DYSF: variants seen among roughly 807,000 people sequenced by gnomAD.
DYSF encodes dysferlin, also known as dystrophy-associated fer-1-like 1.
In DYSF, 212 loss-of-function variants were observed where a neutral mutation model predicts 274.9. The observed-to-expected ratio is 0.77, with a 90% confidence interval of 0.69 to 0.86. DYSF has a LOEUF of 0.86. Among genes scored for constraint, DYSF ranks in the 40% least tolerant of loss-of-function variants. DYSF has a pLI of 0.00. For synonymous variants in DYSF, 1,091 were observed against 1,078.7 expected, an observed-to-expected ratio of 1.01 and a Z score of -0.22; for missense variants, 2,666 against 2,783.2, an observed-to-expected ratio of 0.96 and a Z score of 0.95.
intron 1 of DYSF, among the ~76,000 whole-genome samples, chr2:71,476,879 A>C (rs2082436589): frequency 1.4e-5 from 2 of 147,810 alleles, no homozygotes; most frequent in South Asian, 4.2e-4. Flanking sequence ...GACTGACAAA[A>C]CTATAGTTAT....
chr2:71,532,346 A>G (rs2088827152), intron 14 of DYSF, among the ~76,000 whole-genome samples: 1 of 152,260 alleles, frequency 6.6e-6, no homozygotes, highest in Admixed American at 6.5e-5. Context: ...TATTTGATAC[A>G]GATGGACAAA....
chr2:71,470,742 TTC>T (rs2081964204), intron 1 of DYSF, among the ~76,000 whole-genome samples: 1 of 24,594 alleles, frequency 4.1e-5, no homozygotes, highest in Non-Finnish European at 7.9e-5. Flanking sequence ...CCTTCTTTCC[TTC>T]CTTCCTTCCT....
At chr2:71,562,537 G>A (rs766906985) in intron 23 of DYSF, among the ~76,000 whole-genome samples, 2 of 152,160 alleles carry the variant, frequency 1.3e-5, no homozygotes, top group South Asian at 2.1e-4. Flanking sequence ...GCACCCACCC[G>A]GTTCTGTGGC....
chr2:71,685,034 C>G (rs973428714), intron 55 of DYSF, among the ~76,000 whole-genome samples: 9 of 152,226 alleles, frequency 5.9e-5, no homozygotes, highest in Admixed American at 2.0e-4. Flanking sequence ...AAGCCCAGCC[C>G]CTGCCAGCTG....
intron 3 of DYSF, among the ~76,000 whole-genome samples, chr2:71,500,321 C>T (rs1460207307): frequency 6.6e-6 from 1 of 152,176 alleles, no homozygotes; most frequent in Non-Finnish European, 1.5e-5. Context: ...CTACCACAGC[C>T]TGCTCCTTAC....
At chr2:71,503,995 C>T (rs1020122075) in intron 4 of DYSF, among the ~76,000 whole-genome samples, 30 of 152,358 alleles carry the variant, frequency 2.0e-4, no homozygotes, top group Admixed American at 2.0e-4. Context: ...GAACTACTTC[C>T]GCCCTGTGAG....
chr2:71,574,353 T>G lies in DYSF; in HGVS notation c.3384T>G (p.Phe1128Leu). 1.2e-6 allele frequency: 2 copies of G among 1,613,920 alleles called. No homozygotes were observed. Among genetic ancestry groups the G allele is most frequent in the Non-Finnish European group, 1.7e-6 (2 of 1,179,824 alleles). The change falls in exon 30 of 56, where the codon TTT (phenylalanine) becomes TTG (leucine). Residue 1128 changes from phenylalanine (F) to leucine (L), a missense_variant. This residue lies in a region of DYSF where 1,460 missense variants were observed against 1,502.1 expected (regional missense o/e 0.97). Transcript: ENST00000410020. ...AGAAGACGGGGCCTGCAGCTGTGTT[T>G]GCCCTTGAGGGGGCCCTGGTATGTG... ...PLEKTGPAAV[F>L]ALEGALGGVM...
rs989523526 is a variant in DYSF, at chr2:71,459,784, A to T, written c.88+5698A>T. 5.9e-5 allele frequency among the ~76,000 whole-genome samples: 9 copies of T among 152,278 alleles called. No homozygotes were observed. In the East Asian group the frequency reaches 1.7e-3, roughly 29 times the overall value. Reference sequence around the variant, plus strand: ...TGGGCTCTCTGGAGGGCAGAGAGCCAGTGTCCTCTCCCTTGGGCTCATCAG... The same window carrying T: ...TGGGCTCTCTGGAGGGCAGAGAGCCTGTGTCCTCTCCCTTGGGCTCATCAG... On this transcript the variant is annotated intron_variant, in intron 1 of 54. Transcript: ENST00000258104.
At chr2:71,491,372 G>C (rs1396319096) in intron 3 of DYSF, among the ~76,000 whole-genome samples, 2 of 152,212 alleles carry the variant, frequency 1.3e-5, no homozygotes, top group Non-Finnish European at 2.9e-5. Flanking sequence ...CATGGCAACA[G>C]GCATTTACCC....
rs143393575 is a variant in DYSF at position 71,598,661 on chromosome 2, C to T, written c.3672C>T (p.Tyr1224=). The T allele has an allele frequency of 1.6e-5, 26 of 1,614,022 alleles. No individual in the cohort carries two copies. The highest frequency in any genetic ancestry group is 1.3e-4 in the Admixed American group (8 of 60,010). ...NPTWDQTLIF[Y]EIEIFGEPAT... ...CCTGGGACCAGACGCTCATCTTCTA[C>T]GAGATCGAGATCTTTGGCGAGCCGG... Residue 1224 remains tyrosine, a synonymous_variant, in exon 33 of 56, where the codon TAC becomes TAT. Coordinates refer to ENST00000410020, the MANE Select transcript of DYSF (RefSeq NM_001130987.2).
intron 32 of DYSF, among the ~76,000 whole-genome samples, chr2:71,593,299 A>G (rs1263777879): frequency 6.6e-6 from 1 of 151,740 alleles, no homozygotes; most frequent in Non-Finnish European, 1.5e-5. Flanking sequence ...TGCCCAGCTA[A>G]TTTTTTGTAT....
chr2:71,684,745 T>C (rs1350942890), intron 55 of DYSF, among the ~76,000 whole-genome samples: 7 of 152,194 alleles, frequency 4.6e-5, no homozygotes, highest in African/African-American at 7.2e-5. Context: ...AATCTGCATG[T>C]AGGCACATGA....
At chr2:71,631,882 T>C (rs2094320595) in intron 41 of DYSF, among the ~76,000 whole-genome samples, 1 of 152,018 alleles carries the variant, frequency 6.6e-6, no homozygotes, top group Non-Finnish European at 1.5e-5. Context: ...GGGTGAAACT[T>C]GTCTGGCAAA....
chr2:71,609,859 G>T lies in DYSF; in HGVS notation c.3958-1386G>T, dbSNP rs573141845. On this transcript the variant is annotated intron_variant, in intron 36 of 55. Transcript: ENST00000410020. ...TCCCACCATCTATGGCAGAGCGTCTGTATGGATGTACCATCCTCGCAGAAG... is the reference window on the plus strand; with the variant it reads ...TCCCACCATCTATGGCAGAGCGTCTTTATGGATGTACCATCCTCGCAGAAG... 2.6e-5 allele frequency among the ~76,000 whole-genome samples: 4 copies of T among 152,310 alleles called. No individual in the cohort carries two copies. The East Asian group carries it at 7.7e-4, about 29-fold the overall frequency.
intron 1 of DYSF, among the ~76,000 whole-genome samples, chr2:71,456,976 G>GCATGGTGTGAAACAC (rs2081092913): frequency 2.6e-5 from 4 of 152,194 alleles, no homozygotes; most frequent in Non-Finnish European, 5.9e-5. Flanking sequence ...GGCTGCAGGA[G>GCATGGTGTGAAACAC]CATGGTGTGA....
intron 41 of DYSF, among the ~76,000 whole-genome samples, chr2:71,635,383 A>G (rs190327333): frequency 6.6e-6 from 1 of 152,332 alleles, no homozygotes; most frequent in African/African-American, 2.4e-5. Flanking sequence ...TCCTGTATCC[A>G]TCAAATATTG....
At chr2:71,511,660 G>C (rs1466966443) in intron 4 of DYSF, 147 bp from the exon 5 acceptor site, 2 of 695,824 alleles carry the variant, frequency 2.9e-6, no homozygotes, top group African/African-American at 3.5e-5. Flanking sequence ...AGGTCCCTTG[G>C]GGTGGCTTTG....
In DYSF at chr2:71,669,126, G is replaced by T. The variant is rs886042584; in HGVS notation, c.5561G>T (p.Cys1854Phe). The change falls in exon 50 of 56, where the codon TGT becomes TTT. Residue 1854 changes from cysteine (C) to phenylalanine (F), a missense_variant. Cys to Phe is a radical substitution (Grantham distance 205). Transcript: ENST00000410020. ...CCTTTCCCCAGGTTTTTCCTGCGTT[G>T]TATTATCTGGAATACCAGAGATGTG... ...PRRARRFFLR[C>F]IIWNTRDVIL... The T allele has an allele frequency of 6.2e-7, 1 of 1,604,174 alleles. No individual in the cohort carries two copies. Among genetic ancestry groups the T allele is most frequent in the Non-Finnish European group, 8.5e-7 (1 of 1,175,292 alleles).
chr2:71,666,181 T>A (rs867074745), intron 47 of DYSF, among the ~76,000 whole-genome samples: 12 of 152,176 alleles, frequency 7.9e-5, no homozygotes, highest in African/African-American at 2.9e-4. Context: ...GGGAGTCTCA[T>A]TTCCTTCTAC....
Sources: gnomAD v4.1 joint callset for allele counts (sites outside exome capture counted in the v4.1 genomes callset) on GRCh38, gnomAD v4.1.1 for gene constraint, gnomAD v4.1.1 regional missense constraint, MANE v1.5 for transcripts, NCBI Gene and HGNC (gene_info 2026-07-23, HGNC 2026-07-21) for gene names.